The following TRIM33 variants were observed in gnomAD, a reference collection of about 807,000 sequenced individuals.
The protein encoded by TRIM33 is E3 ubiquitin-protein ligase TRIM33.
A neutral mutation model predicts 125.4 loss-of-function variants in TRIM33; 20 were observed. The ratio of observed to expected loss-of-function variants is 0.16; its 90% CI spans 0.11 to 0.23. TRIM33 has a LOEUF of 0.23. TRIM33 is among the 10% of genes least tolerant of loss of function. The pLI is 1.00. For synonymous variants in TRIM33, 564 were observed against 513.9 expected (o/e 1.10, Z -1.32); for missense variants, 920 against 1,411.4 (o/e 0.65, Z 5.58).
chr1:114,420,951 A>G (rs1461506752), intron 11 of TRIM33, among the ~76,000 whole-genome samples: 3 of 152,234 alleles, frequency 2.0e-5, no homozygotes, highest in Non-Finnish European at 4.4e-5. Context: ...TATCCACAAT[A>G]GCCAAGATAT....
intron 1 of TRIM33, among the ~76,000 whole-genome samples, chr1:114,482,508 T>C (rs1352126911): frequency 1.3e-5 from 2 of 152,272 alleles, no homozygotes; most frequent in East Asian, 1.9e-4. Context: ...CAGATTGGTA[T>C]TGATCTAAAA....
chr1:114,443,328 G>A (rs1034524777), intron 4 of TRIM33, among the ~76,000 whole-genome samples: 1 of 152,114 alleles, frequency 6.6e-6, no homozygotes, highest in African/African-American at 2.4e-5. Flanking sequence ...AAGTTGCAGT[G>A]AGCCGAGACC....
At chr1:114,465,878 A>T (rs1226443330) in intron 1 of TRIM33, among the ~76,000 whole-genome samples, 1 of 151,916 alleles carries the variant, frequency 6.6e-6, no homozygotes. Flanking sequence ...CGTCTCTACT[A>T]AAAATTAAAA....
Position 114,395,057 on chromosome 1 carries a change from G to A in TRIM33, c.*2591C>T, listed in dbSNP as rs946063153. ...TGTCTTTTTAAAACATAAACTAATA[G>A]GAAAACATATATCTAAATATCAATT... On this transcript the variant is annotated 3_prime_UTR_variant, in exon 20 of 20. Transcript: ENST00000358465. The A allele has an allele frequency of 4.2e-5, 8 of 191,782 alleles. No individual in the cohort carries two copies. Among genetic ancestry groups the A allele is most frequent in the Middle Eastern group, 1.8e-3 (1 of 548 alleles). 11.9% of individuals were successfully genotyped at this position (191,782 alleles called of 1,614,324 possible). A position where few individuals can be genotyped will look rare whatever the true frequency, so the allele number is the denominator to read the frequency against.
intron 9 of TRIM33, 98 bp downstream of exon 9, chr1:114,425,351 G>T: frequency 6.8e-7 from 1 of 1,461,474 alleles, no homozygotes; most frequent in South Asian, 1.3e-5. Context: ...GCTCAGTCTT[G>T]CTAGTAACTT....
At chr1:114,474,213 G>A (rs544182376) in intron 1 of TRIM33, among the ~76,000 whole-genome samples, 1 of 151,960 alleles carries the variant, frequency 6.6e-6, no homozygotes, top group East Asian at 1.9e-4. Flanking sequence ...GAAACACACC[G>A]TAAATCAAAG....
At chr1:114,421,743 G>T in intron 10 of TRIM33, 107 bp from the exon 11 acceptor site, 2 of 1,079,320 alleles carry the variant, frequency 1.9e-6, no homozygotes, top group Non-Finnish European at 2.7e-6. Context: ...AAACAAAGAA[G>T]TGGGCCCTTT....
At chr1:114,487,683 G>A (rs1183192641) in intron 1 of TRIM33, among the ~76,000 whole-genome samples, 1 of 150,608 alleles carries the variant, frequency 6.6e-6, no homozygotes, top group Non-Finnish European at 1.5e-5. Flanking sequence ...GGATCATGAG[G>A]TCAGGAGATC....
rs1215412960 is a variant in TRIM33, at chr1:114,511,125, C to T, written c.-49G>A. ...ACCGCCCCGCGCCGCCCGCCGCCCG[C>T]GTCGCCGCCGCCGCCGCCCCCAGCC... On this transcript the variant is annotated 5_prime_UTR_variant, in exon 1 of 20. Coordinates refer to ENST00000358465, the MANE Select transcript of TRIM33 (RefSeq NM_015906.4). 4.1e-5 allele frequency: 46 copies of T among 1,111,560 alleles called. No homozygotes were observed. The highest frequency in any genetic ancestry group is 5.0e-5 in the Non-Finnish European group (46 of 914,606). The allele number at this position is 1,111,560 out of a possible 1,614,324, so 68.9% of individuals were successfully genotyped here.
intron 4 of TRIM33, among the ~76,000 whole-genome samples, chr1:114,457,234 A>G (rs1358721890): frequency 6.6e-6 from 1 of 152,166 alleles, no homozygotes; most frequent in Admixed American, 6.5e-5. Flanking sequence ...GATTTTGTCC[A>G]TGTCCGGCCC....
intron 11 of TRIM33, among the ~76,000 whole-genome samples, chr1:114,418,652 C>G (rs998889627): frequency 6.6e-6 from 1 of 152,158 alleles, no homozygotes; most frequent in Non-Finnish European, 1.5e-5. Flanking sequence ...ATATAGACAA[C>G]TTCCTTAATT....
Position 114,511,038 on chromosome 1 carries a change from G to C in TRIM33, c.39C>G (p.Gly13=). 1 of 1,312,614 alleles carries C rather than the reference G, an allele frequency of 7.6e-7. No homozygotes were observed. Among genetic ancestry groups the C allele is most frequent in the Non-Finnish European group, 9.7e-7 (1 of 1,028,834 alleles). The allele number at this position is 1,312,614 out of a possible 1,614,324, so 81.3% of individuals were successfully genotyped here. A position where few individuals can be genotyped will look rare whatever the true frequency, so the allele number is the denominator to read the frequency against. Residue 13 remains glycine (G), a synonymous_variant, in exon 1 of 20, where the codon GGC becomes GGG. Transcript: ENST00000358465. Reference sequence around the variant, plus strand: ...CCGGCGCGCTGCCGCTGCCCCCGCCGCCGCTCTCAGCCTCGCCGCCGCCTT... The same window carrying C: ...CCGGCGCGCTGCCGCTGCCCCCGCCCCCGCTCTCAGCCTCGCCGCCGCCTT... ...ENKGGGEAES[G]GGGSGSAPVT...
At position 114,425,449 on chromosome 1, in the gene TRIM33, CTGT is replaced by C. The variant is rs747561242; in HGVS notation, c.1692_1694del (p.Gln565del). 9 of 1,613,476 alleles carry C rather than the reference CTGT, an allele frequency of 5.6e-6. No individual in the cohort carries two copies. The highest frequency in any genetic ancestry group is 1.7e-5 in the Admixed American group (1 of 59,974). ...AATAATGTAGTAACACGATACTTAC[CTGT>C]TGTTGTAACATCTGAGGGGCTGCTT... On this transcript the variant is annotated inframe_deletion and splice_region_variant, in exon 9 of 20. Coordinates refer to ENST00000358465, the MANE Select transcript of TRIM33 (RefSeq NM_015906.4).
rs1275535239 is a variant in TRIM33 at position 114,510,774 on chromosome 1, T to A, written c.303A>T (p.Pro101=). 1 of 1,519,710 alleles carries A rather than the reference T, an allele frequency of 6.6e-7. No individual in the cohort carries two copies. The highest frequency in any genetic ancestry group is 2.5e-5 in the East Asian group (1 of 39,878). The allele number at this position is 1,519,710 out of a possible 1,614,324, so 94.1% of individuals were successfully genotyped here. A position where few individuals can be genotyped will look rare whatever the true frequency, so the allele number is the denominator to read the frequency against. Residue 101 remains proline (P), a synonymous_variant, in exon 1 of 20, where the codon CCA becomes CCT. Transcript: ENST00000358465. ...GGAVSTPAPA[P]ASAPAPGPSA... ...AGGGACCCGGAGCGGGAGCCGAGGC[T>A]GGAGCTGGAGCCGGCGTCGATACTG...
chr1:114,491,191 T>C (rs1262843354), intron 1 of TRIM33, among the ~76,000 whole-genome samples: 4 of 152,236 alleles, frequency 2.6e-5, no homozygotes, highest in Non-Finnish European at 5.9e-5. Flanking sequence ...AATGAGTGGC[T>C]ATATTAATAT....
intron 1 of TRIM33, among the ~76,000 whole-genome samples, chr1:114,485,500 GAGTT>G (rs1014785292): frequency 2.0e-5 from 3 of 152,156 alleles, no homozygotes; most frequent in African/African-American, 7.2e-5. Flanking sequence ...CCAGTGGAAT[GAGTT>G]AGCCCTACAT....
chr1:114,439,120 T>G (rs932861768), intron 4 of TRIM33, among the ~76,000 whole-genome samples: 2 of 152,192 alleles, frequency 1.3e-5, no homozygotes, highest in Non-Finnish European at 2.9e-5. Flanking sequence ...AAGACTTCAT[T>G]AGAACAGGAT....
chr1:114,507,136 GGACTACTT>G (rs1253050081), intron 1 of TRIM33, among the ~76,000 whole-genome samples: 1 of 152,224 alleles, frequency 6.6e-6, no homozygotes, highest in Non-Finnish European at 1.5e-5. Context: ...GCGACCTGGA[GGACTACTT>G]TAAAATGAGA....
chr1:114,489,288 T>G (rs1255352969), intron 1 of TRIM33, among the ~76,000 whole-genome samples: 1 of 152,162 alleles, frequency 6.6e-6, no homozygotes, highest in South Asian at 2.1e-4. Context: ...ATACAAAAAT[T>G]AACTCAACTT....
Sources: allele counts gnomAD v4.1 joint callset (sites outside exome capture counted in the v4.1 genomes callset), GRCh38; gene constraint gnomAD v4.1.1; transcripts MANE v1.5; gene names NCBI Gene and HGNC (gene_info 2026-07-23, HGNC 2026-07-21).